Variants in PITPNM2 observed in about 807,000 individuals in gnomAD.
The protein encoded by PITPNM2 is phosphatidylinositol transfer protein membrane associated 2, also known as membrane-associated phosphatidylinositol transfer protein 2.
PITPNM2 carries 35 observed loss-of-function variants against 132.2 expected under a neutral mutation model. That is an observed-to-expected ratio of 0.26 (90% CI 0.20 to 0.35). The LOEUF is 0.35. Ranked by LOEUF, PITPNM2 falls within the 10% of genes least tolerant of loss-of-function variation. The probability of loss-of-function intolerance (pLI) is 1.00; values close to 1 mark genes in which losing one functional copy is unlikely to be tolerated. For missense variants in PITPNM2, 1,332 were observed against 1,912.0 expected (o/e 0.70, Z 5.66); for synonymous variants, 738 against 799.2 (o/e 0.92, Z 1.29).
chr12:123,014,708 CAAACAAAACA>C (rs950451404), intron 3 of PITPNM2, among the ~76,000 whole-genome samples: 1 of 151,656 alleles, frequency 6.6e-6, no homozygotes, highest in Non-Finnish European at 1.5e-5. Context: ...TCTCAAAAAA[CAAACAAAACA>C]AAACAAAACA....
chr12:123,123,045 A>G (rs2043062229), intron 1 of PITPNM2, among the ~76,000 whole-genome samples: 1 of 152,236 alleles, frequency 6.6e-6, no homozygotes, highest in Non-Finnish European at 1.5e-5. Context: ...TTCTACAGAC[A>G]TGAGAGTATA....
rs533182989 is a variant in PITPNM2, at chr12:123,038,338, C to T, written c.-95-3653G>A. ...ACTCTAAGAGTGACACAGAATGTGA[C>T]GGGAGGTGACAGTTTGGAGCTCACT... is the stretch of plus-strand genomic sequence containing the variant. On this transcript the variant is annotated intron_variant, in intron 2 of 25. Coordinates refer to ENST00000320201, the MANE Select transcript of PITPNM2 (RefSeq NM_020845.3). 6.6e-5 allele frequency among the ~76,000 whole-genome samples: 10 copies of T among 152,288 alleles called. No individual in the cohort carries two copies. The East Asian group carries it at 9.6e-4, about 15-fold the overall frequency.
At chr12:122,997,813 C>T (rs2038495657) in intron 10 of PITPNM2, among the ~76,000 whole-genome samples, 1 of 152,206 alleles carries the variant, frequency 6.6e-6, no homozygotes, top group African/African-American at 2.4e-5. Flanking sequence ...TCCACTCCTC[C>T]TCCTGCAGCC....
At position 123,150,564 on chromosome 12, in the gene PITPNM2, G is replaced by T. The variant is rs891910191; in HGVS notation, c.-200+189C>A. Among the ~76,000 whole-genome samples the T allele has an allele frequency of 6.6e-6, 1 of 151,192 alleles. No individual in the cohort carries two copies. The highest frequency in any genetic ancestry group is 2.4e-5 in the African/African-American group (1 of 41,174). ...GGGCGGTCTCCCGAGCGGGGCTCCC[G>T]TACGCCACACCCTCCTCCCTGCCCG... is the stretch of plus-strand genomic sequence containing the variant. On this transcript the variant is annotated intron_variant, in intron 1 of 25. Coordinates refer to ENST00000320201, the MANE Select transcript of PITPNM2 (RefSeq NM_020845.3). This position sits in a 1 kb window ranked among gnomAD's most constrained non-coding sequence, Gnocchi z 6.0.
intron 14 of PITPNM2, 135 bp from the exon 15 acceptor site, chr12:122,995,114 GCCCC>G: frequency 9.3e-7 from 1 of 1,079,556 alleles, no homozygotes; most frequent in Non-Finnish European, 1.3e-6. Context: ...TGGACCACCT[GCCCC>G]TGGTCCATTC....
rs1344898516 is a variant in PITPNM2 at position 122,984,270 on chromosome 12, C to G, written c.*1757G>C. The G allele has an allele frequency of 6.6e-6, 1 of 152,650 alleles. No homozygotes were observed. Among genetic ancestry groups the G allele is most frequent in the Non-Finnish European group, 1.5e-5 (1 of 68,140 alleles). 9.5% of individuals were successfully genotyped at this position (152,650 alleles called of 1,614,324 possible). The stretch of plus-strand genomic sequence containing the variant: ...AGGTGCTTCTCTGGATGGCTGGTCT[C>G]CCAGGCAGCAGGCAAGACAGGATAA... On this transcript the variant is annotated 3_prime_UTR_variant, in exon 26 of 26. Coordinates refer to ENST00000320201, the MANE Select transcript of PITPNM2 (RefSeq NM_020845.3).
chr12:123,122,002 G>T (rs993155042), intron 1 of PITPNM2, among the ~76,000 whole-genome samples: 2 of 152,128 alleles, frequency 1.3e-5, no homozygotes, highest in African/African-American at 4.8e-5. Flanking sequence ...TGGGACTACA[G>T]GCACACACCG....
intron 2 of PITPNM2, among the ~76,000 whole-genome samples, chr12:123,041,693 C>T (rs908271648): frequency 6.6e-6 from 1 of 152,182 alleles, no homozygotes; most frequent in Non-Finnish European, 1.5e-5. Flanking sequence ...TTATGTTTTA[C>T]TGCTGTCTGC....
intron 1 of PITPNM2, among the ~76,000 whole-genome samples, chr12:123,127,325 G>A (rs546628481): frequency 1.3e-5 from 2 of 152,280 alleles, no homozygotes; most frequent in East Asian, 3.9e-4. Flanking sequence ...AACTGTCCGG[G>A]TGTTACTCTT....
At chr12:123,034,972 A>G (rs1350484153) in intron 2 of PITPNM2, among the ~76,000 whole-genome samples, 1 of 152,258 alleles carries the variant, frequency 6.6e-6, no homozygotes. Context: ...GGGCCAGGGT[A>G]AGAACACCGT....
At chr12:123,040,333 A>G (rs1410065990) in intron 2 of PITPNM2, among the ~76,000 whole-genome samples, 2 of 152,196 alleles carry the variant, frequency 1.3e-5, no homozygotes, top group Non-Finnish European at 2.9e-5. Flanking sequence ...CATTGTGAAT[A>G]TACTTACTGT....
At chr12:122,995,310 C>T (rs1292234351) in intron 14 of PITPNM2, 79 bp downstream of exon 14, 2 of 1,502,860 alleles carry the variant, frequency 1.3e-6, no homozygotes, top group Non-Finnish European at 1.8e-6. Context: ...CTCCTGTTGG[C>T]CATCACAGGG....
intron 1 of PITPNM2, among the ~76,000 whole-genome samples, chr12:123,147,181 G>C (rs2043635683): frequency 6.6e-6 from 1 of 152,080 alleles, no homozygotes; most frequent in Admixed American, 6.6e-5. Context: ...AGTCAACCCT[G>C]ACTGCCTTAC....
chr12:123,097,984 C>T lies in PITPNM2; in HGVS notation c.-96+12401G>A, dbSNP rs1186104649. 6.6e-6 allele frequency among the ~76,000 whole-genome samples: 1 copy of T among 152,234 alleles called. No homozygotes were observed. The highest frequency in any genetic ancestry group is 1.5e-5 in the Non-Finnish European group (1 of 68,044). On this transcript the variant is annotated intron_variant, in intron 2 of 25. Coordinates refer to ENST00000320201, the MANE Select transcript of PITPNM2 (RefSeq NM_020845.3). The surrounding 1 kb of genome is among the most constrained non-coding windows in gnomAD (Gnocchi z 4.7). ...ATGATACATCACAGCCGCCAGGCCA[C>T]AGGGAGACCAAAGGTGACAGAGATT...
chr12:123,043,410 CACCTTTAAGCAGG>C (rs2040557644), intron 2 of PITPNM2, among the ~76,000 whole-genome samples: 1 of 152,190 alleles, frequency 6.6e-6, no homozygotes, highest in Non-Finnish European at 1.5e-5. Context: ...GATTCCTTGA[CACCTTTAAGCAGG>C]ACCTGACTCC....
chr12:123,084,513 T>C (rs2042058437), intron 2 of PITPNM2: 1 of 152,266 alleles, frequency 6.6e-6, no homozygotes, highest in Admixed American at 6.5e-5. Flanking sequence ...GCTGCAACTT[T>C]GAACATTTGC....
intron 2 of PITPNM2, among the ~76,000 whole-genome samples, chr12:123,085,955 G>A (rs995767429): frequency 6.6e-6 from 1 of 152,242 alleles, no homozygotes; most frequent in African/African-American, 2.4e-5. Context: ...ATGCCACAGG[G>A]CAGGCAGGGG....
At chr12:123,115,055 G>A (rs980144093) in intron 1 of PITPNM2, among the ~76,000 whole-genome samples, 2 of 152,126 alleles carry the variant, frequency 1.3e-5, no homozygotes, top group Non-Finnish European at 2.9e-5. Flanking sequence ...AGGCCCTTCT[G>A]AGGCTGGGTC....
At position 123,054,856 on chromosome 12, in the gene PITPNM2, G is replaced by A. The variant is rs376073959; in HGVS notation, c.-95-20171C>T. Among the ~76,000 whole-genome samples, 9 of 152,316 alleles carry A rather than the reference G, an allele frequency of 5.9e-5. No individual in the cohort carries two copies. In the South Asian group the frequency reaches 8.3e-4, roughly 14 times the overall value. ...AGGCGACAGGATCACCTGAGGTCAG[G>A]AGTTTAAGATCAGCCTAGACAACAC... On this transcript the variant is annotated intron_variant, in intron 2 of 25. Coordinates refer to ENST00000320201, the MANE Select transcript of PITPNM2 (RefSeq NM_020845.3).
Sources: allele counts gnomAD v4.1 joint callset (sites outside exome capture counted in the v4.1 genomes callset), GRCh38; gene constraint gnomAD v4.1.1; non-coding constraint Gnocchi (gnomAD v3.1); transcripts MANE v1.5; gene names NCBI Gene and HGNC (gene_info 2026-07-23, HGNC 2026-07-21).